The following HERC4 variants were observed in gnomAD, a reference collection of about 807,000 sequenced individuals.
The protein encoded by HERC4 is probable E3 ubiquitin-protein ligase HERC4.
In HERC4, 28 loss-of-function variants were observed where a neutral mutation model predicts 124.3. That is an observed-to-expected ratio of 0.23 (90% CI 0.17 to 0.31). The LOEUF is 0.31. Ranked by LOEUF, HERC4 falls within the 10% of genes least tolerant of loss-of-function variation. The pLI, the probability that HERC4 is intolerant of heterozygous loss-of-function variation, is 1.00. For synonymous variants in HERC4, 407 were observed against 421.5 expected (o/e 0.97, Z 0.42); for missense variants, 713 against 1,229.3 (o/e 0.58, Z 6.28).
At chr10:68,037,933 C>T (rs1422503776) in intron 5 of HERC4, among the ~76,000 whole-genome samples, 160 bp downstream of exon 5, 1 of 151,906 alleles carries the variant, frequency 6.6e-6, no homozygotes, top group African/African-American at 2.4e-5. Context: ...TGTGTGTGTA[C>T]AGACTGACAA....
intron 19 of HERC4, among the ~76,000 whole-genome samples, chr10:67,952,030 C>T (rs1344998776): frequency 6.6e-6 from 1 of 152,130 alleles, no homozygotes; most frequent in Non-Finnish European, 1.5e-5. Context: ...ATCTTACATT[C>T]AACTACAACC....
Position 67,922,916 on chromosome 10 carries a change from G to T in HERC4, c.*15C>A. 1 of 1,553,620 alleles carries T rather than the reference G, an allele frequency of 6.4e-7. No individual in the cohort carries two copies. The highest frequency in any genetic ancestry group is 8.8e-7 in the Non-Finnish European group (1 of 1,133,410). On this transcript the variant is annotated 3_prime_UTR_variant, in exon 25 of 25. Transcript: ENST00000373700. ...TAATGCTTTTGCACTAAACTGAATA[G>T]TTATAACTCCAAAGTTATATTAAAC... is the stretch of plus-strand genomic sequence containing the variant.
chr10:68,025,081 A>T (rs1018788485), intron 8 of HERC4, among the ~76,000 whole-genome samples: 5 of 152,142 alleles, frequency 3.3e-5, no homozygotes, highest in Non-Finnish European at 7.4e-5. Flanking sequence ...AAATAAAATT[A>T]GCTGGGCATG....
At chr10:67,941,891 G>C (rs2032937214) in intron 19 of HERC4, among the ~76,000 whole-genome samples, 1 of 151,790 alleles carries the variant, frequency 6.6e-6, no homozygotes, top group African/African-American at 2.4e-5. Flanking sequence ...CCTGACCTCA[G>C]GTGATCTGCT....
chr10:67,976,625 T>G (rs984370474), intron 15 of HERC4, among the ~76,000 whole-genome samples: 1 of 152,026 alleles, frequency 6.6e-6, no homozygotes, highest in Non-Finnish European at 1.5e-5. Context: ...TAGCACCTGG[T>G]TTCAACTTCA....
intron 8 of HERC4, among the ~76,000 whole-genome samples, chr10:68,017,613 A>C (rs2038346544): frequency 6.6e-6 from 1 of 152,166 alleles, no homozygotes; most frequent in African/African-American, 2.4e-5. Context: ...CAGCCTCCCC[A>C]GAAGCTGGGA....
intron 15 of HERC4, among the ~76,000 whole-genome samples, chr10:67,982,787 G>C (rs2036009340): frequency 6.6e-6 from 1 of 152,086 alleles, no homozygotes; most frequent in African/African-American, 2.4e-5. Context: ...AATTTAAAAA[G>C]TGGGCAAAAG....
chr10:68,015,869 G>A (rs1233475964), intron 8 of HERC4, among the ~76,000 whole-genome samples: 1 of 152,120 alleles, frequency 6.6e-6, no homozygotes, highest in African/African-American at 2.4e-5. Context: ...TTGGGAGACC[G>A]AGGCAGGTGG....
intron 3 of HERC4, among the ~76,000 whole-genome samples, chr10:68,059,527 T>TATATTATAATATTATATATAAC (rs2040758570): frequency 8.1e-6 from 1 of 122,948 alleles, no homozygotes; most frequent in African/African-American, 3.0e-5. Flanking sequence ...ATCATAATAA[T>TATATTATAATATTATATATAAC]ATTATATATC....
Position 67,992,694 on chromosome 10 carries a change from ATG to A in HERC4, c.1070-14_1070-13del, listed in dbSNP as rs1469424225. On this transcript the variant is annotated splice_polypyrimidine_tract_variant and intron_variant, in intron 9 of 24. Transcript: ENST00000373700. The stretch of plus-strand genomic sequence containing the variant: ...ATATTCTTCAGAATCTGTAATAAAA[ATG>A]TAAAAAATTAAAAGCCAAGATTTAC... 7.3e-7 allele frequency: 1 copy of A among 1,371,200 alleles called. No individual in the cohort carries two copies. Among genetic ancestry groups the A allele is most frequent in the African/African-American group, 1.5e-5 (1 of 68,644 alleles). The allele number at this position is 1,371,200 out of a possible 1,614,324, so 84.9% of individuals were successfully genotyped here.
intron 19 of HERC4, among the ~76,000 whole-genome samples, chr10:67,948,644 G>A (rs1263276477): frequency 6.6e-6 from 1 of 152,206 alleles, no homozygotes; most frequent in Non-Finnish European, 1.5e-5. Flanking sequence ...AAGTAGGCCA[G>A]GCATGGTGGC....
chr10:67,946,425 AAC>A (rs1430962342), intron 19 of HERC4, among the ~76,000 whole-genome samples: 1 of 150,716 alleles, frequency 6.6e-6, no homozygotes. Flanking sequence ...GCCTAGAAGA[AAC>A]ACACTTCACT....
intron 21 of HERC4, 132 bp from the exon 22 acceptor site, chr10:67,936,367 A>G: frequency 2.2e-6 from 1 of 458,176 alleles, no homozygotes; most frequent in Non-Finnish European, 3.7e-6. Flanking sequence ...GCTACCATAT[A>G]GCTTATCTGA....
At chr10:67,966,422 T>G (rs2034866879) in intron 16 of HERC4, 1 of 312,276 alleles carries the variant, frequency 3.2e-6, no homozygotes, top group Non-Finnish European at 5.8e-6. Flanking sequence ...CATTTCACAC[T>G]TGTAGGTTTT....
At chr10:67,973,279 T>C (rs1400784691) in intron 15 of HERC4, among the ~76,000 whole-genome samples, 6 of 152,120 alleles carry the variant, frequency 3.9e-5, no homozygotes, top group Admixed American at 2.0e-4. Flanking sequence ...CTGTATGTAA[T>C]TGCCCCCACC....
At position 67,921,968 on chromosome 10, in the gene HERC4, AAAAT is replaced by A. The variant is rs1382652962; in HGVS notation, c.*959_*962del. On this transcript the variant is annotated 3_prime_UTR_variant, in exon 25 of 25. Transcript: ENST00000373700. ...TCACGGCATTTTAAAATAAATTTAAAAAATAAATATTTGCATTATAGCAGAAAGT... is the reference window on the plus strand; with the variant it reads ...TCACGGCATTTTAAAATAAATTTAAAAAATATTTGCATTATAGCAGAAAGT... 13 of 152,224 alleles carry A rather than the reference AAAAT, an allele frequency of 8.5e-5. No homozygotes were observed. Among genetic ancestry groups the A allele is most frequent in the African/African-American group, 1.9e-4 (8 of 41,466 alleles). The allele number at this position is 152,224 out of a possible 1,614,324, so 9.4% of individuals were successfully genotyped here. A position where few individuals can be genotyped will look rare whatever the true frequency, so the allele number is the denominator to read the frequency against.
chr10:68,036,307 G>A (rs1301970114), intron 5 of HERC4, among the ~76,000 whole-genome samples: 2 of 141,204 alleles, frequency 1.4e-5, no homozygotes, highest in African/African-American at 2.6e-5. Context: ...GACAAAGGGA[G>A]ACTCCATCTC....
intron 3 of HERC4, chr10:68,069,827 G>C (rs1356261204): frequency 7.0e-6 from 5 of 716,196 alleles, no homozygotes; most frequent in Middle Eastern, 7.2e-4. Context: ...CAGATCACAA[G>C]GTCAGGATAT....
chr10:68,012,034 T>G (rs530623847), intron 9 of HERC4, among the ~76,000 whole-genome samples: 1 of 152,326 alleles, frequency 6.6e-6, no homozygotes, highest in African/African-American at 2.4e-5. Flanking sequence ...TTCCTTAAAC[T>G]TCACGAACTA....
Sources: gnomAD v4.1 joint callset for allele counts (sites outside exome capture counted in the v4.1 genomes callset) on GRCh38, gnomAD v4.1.1 for gene constraint, MANE v1.5 for transcripts, NCBI Gene and HGNC (gene_info 2026-07-23, HGNC 2026-07-21) for gene names.